The following SGCD variants were observed in gnomAD, a reference collection of about 807,000 sequenced individuals.
SGCD encodes the protein delta-sarcoglycan.
In SGCD, 18 loss-of-function variants were observed where a neutral mutation model predicts 36.6. The observed-to-expected ratio is 0.49, with a 90% CI of 0.34 to 0.73. The LOEUF is 0.73. Ranked by LOEUF, SGCD falls within the 30% of genes least tolerant of loss-of-function variation. The probability of loss-of-function intolerance (pLI) is 0.01; values close to 1 mark genes in which losing one functional copy is unlikely to be tolerated. For synonymous variants in SGCD, 133 were observed against 130.6 expected (o/e 1.02, Z -0.12); for missense variants, 387 against 346.7 (o/e 1.12, Z -0.92).
chr5:156,043,935 C>CTG (rs111618151), intron 1 of SGCD, among the ~76,000 whole-genome samples: 17,710 of 152,064 alleles, frequency 0.12, 2,901 homozygotes, highest in African/African-American at 0.37. Flanking sequence ...GGGTAAAACA[C>CTG]TGGAGAAAAC....
At chr5:156,349,290 A>G (rs2174421) in intron 3 of SGCD, among the ~76,000 whole-genome samples, 58,242 of 151,988 alleles carry the variant, frequency 0.38, 12,569 homozygotes, top group East Asian at 0.79. Context: ...CCGCACAGTA[A>G]AAGAAATAGT....
chr5:156,367,971 TA>T (rs1317347079), intron 3 of SGCD, among the ~76,000 whole-genome samples: 3 of 152,232 alleles, frequency 2.0e-5, no homozygotes, highest in Non-Finnish European at 4.4e-5. Context: ...ATTTTCAATA[TA>T]TTTTTTAATT....
intron 7 of SGCD, among the ~76,000 whole-genome samples, chr5:156,669,011 T>G (rs1403299839): frequency 6.6e-6 from 1 of 152,132 alleles, no homozygotes; most frequent in Non-Finnish European, 1.5e-5. Flanking sequence ...CTCCTTCAAC[T>G]CCTAGAGGAA....
intron 8 of SGCD, among the ~76,000 whole-genome samples, chr5:156,758,386 TGTG>T (rs1215764949): frequency 9.1e-6 from 1 of 109,340 alleles, no homozygotes; most frequent in African/African-American, 4.5e-5. Flanking sequence ...AAAAAATCTG[TGTG>T]TTTTTTTTTT....
intron 4 of SGCD, among the ~76,000 whole-genome samples, chr5:156,525,676 G>C (rs1757616060): frequency 6.6e-6 from 1 of 151,802 alleles, no homozygotes; most frequent in Non-Finnish European, 1.5e-5. Context: ...ATAGAGCTTT[G>C]CCCCTATGTT....
chr5:156,733,359 G>A (rs1016162885), intron 7 of SGCD, among the ~76,000 whole-genome samples: 1 of 151,946 alleles, frequency 6.6e-6, no homozygotes, highest in African/African-American at 2.4e-5. Flanking sequence ...GTGTGGTTTT[G>A]AGTGATTGTG....
chr5:156,562,850 A>G (rs554968841), intron 4 of SGCD, among the ~76,000 whole-genome samples: 1 of 151,282 alleles, frequency 6.6e-6, no homozygotes, highest in Admixed American at 6.6e-5. Flanking sequence ...TATTTTATAT[A>G]CTTAAATATA....
chr5:155,837,451 C>G, the SGCD span, among the ~76,000 whole-genome samples: 1 of 152,150 alleles, frequency 6.6e-6, no homozygotes, highest in Non-Finnish European at 1.5e-5. Flanking sequence ...AGTCACTGCG[C>G]CCAGCCTTAA....
At chr5:156,193,021 A>G (rs1334371334) in intron 3 of SGCD, among the ~76,000 whole-genome samples, 4 of 151,772 alleles carry the variant, frequency 2.6e-5, no homozygotes, top group African/African-American at 7.3e-5. Flanking sequence ...TCTAACTTCT[A>G]CATGTCACGA....
At chr5:156,683,575 T>C (rs1306702398) in intron 7 of SGCD, among the ~76,000 whole-genome samples, 2 of 152,244 alleles carry the variant, frequency 1.3e-5, no homozygotes, top group African/African-American at 4.8e-5. Context: ...GGTCCAAATG[T>C]CTTTATCAGA....
chr5:155,812,784 C>G, the SGCD span, among the ~76,000 whole-genome samples: 1 of 152,132 alleles, frequency 6.6e-6, no homozygotes, highest in Non-Finnish European at 1.5e-5. Context: ...CAAAAATCTA[C>G]TTTTTCAACT....
At position 156,155,975 on chromosome 5, in the gene SGCD, A is replaced by G. The variant is rs185891311; in HGVS notation, c.-44+31956A>G. On this transcript the variant is annotated intron_variant, in intron 3 of 9. Transcript: ENST00000517913. ...CGTGTGGCAGGAGAGTATTCCAAAAAGCTATCAAAAAATCAATTGACCTGC... is the reference window on the plus strand; with the variant it reads ...CGTGTGGCAGGAGAGTATTCCAAAAGGCTATCAAAAAATCAATTGACCTGC... Among the ~76,000 whole-genome samples the G allele has an allele frequency of 5.9e-4, 89 of 151,820 alleles. 2 individuals are homozygous for G. The highest frequency in any genetic ancestry group is 2.0e-3 in the African/African-American group (81 of 41,072).
At chr5:156,421,213 C>T (rs1773291868) in intron 3 of SGCD, among the ~76,000 whole-genome samples, 1 of 152,050 alleles carries the variant, frequency 6.6e-6, no homozygotes, top group Non-Finnish European at 1.5e-5. Flanking sequence ...TAATTTCTTT[C>T]ATGTCCATTA....
intron 3 of SGCD, among the ~76,000 whole-genome samples, chr5:156,372,418 C>T (rs1167264980): frequency 6.6e-6 from 1 of 152,146 alleles, no homozygotes; most frequent in East Asian, 1.9e-4. Flanking sequence ...GTAATCTTAG[C>T]ACTCTCCAGT....
intron 3 of SGCD, among the ~76,000 whole-genome samples, chr5:156,376,790 G>A (rs941705457): frequency 2.0e-5 from 3 of 151,848 alleles, no homozygotes; most frequent in Non-Finnish European, 4.4e-5. Flanking sequence ...AATTTACCAG[G>A]GAATTAACAA....
intron 3 of SGCD, among the ~76,000 whole-genome samples, chr5:156,479,731 T>C (rs989809125): frequency 1.3e-5 from 2 of 152,212 alleles, no homozygotes; most frequent in Non-Finnish European, 2.9e-5. Context: ...TTCCTAAAAG[T>C]CTTGGAGTGA....
chr5:156,181,566 C>T (rs994489895), intron 3 of SGCD, among the ~76,000 whole-genome samples: 61 of 152,276 alleles, frequency 4.0e-4, no homozygotes, highest in Non-Finnish European at 8.5e-4. Flanking sequence ...AAAGGTCAGG[C>T]TTTTCTTTTT....
At chr5:155,912,222 C>A (rs932027765) in intron 1 of SGCD, among the ~76,000 whole-genome samples, 7 of 151,960 alleles carry the variant, frequency 4.6e-5, no homozygotes, top group Admixed American at 1.3e-4. Flanking sequence ...CACGTGTGCT[C>A]AAGCAGCTCT....
intron 4 of SGCD, among the ~76,000 whole-genome samples, chr5:156,586,197 T>G (rs1397509825): frequency 6.6e-6 from 1 of 152,166 alleles, no homozygotes; most frequent in Non-Finnish European, 1.5e-5. Flanking sequence ...TTTGATGACC[T>G]CGACAGTTTT....
Sources: allele counts gnomAD v4.1 joint callset (sites outside exome capture counted in the v4.1 genomes callset), GRCh38; gene constraint gnomAD v4.1.1; transcripts MANE v1.5; gene names NCBI Gene and HGNC (gene_info 2026-07-23, HGNC 2026-07-21).